The following PCSK2 variants were observed in gnomAD, a reference collection of about 807,000 sequenced individuals.
PCSK2 encodes the protein neuroendocrine convertase 2.
Under a neutral mutation model 69.7 loss-of-function variants are expected in PCSK2, and 14 were observed. The ratio of observed to expected loss-of-function variants is 0.20; its 90% CI spans 0.13 to 0.31. The LOEUF is 0.31. PCSK2 is among the 10% of genes least tolerant of loss of function. PCSK2 has a pLI of 1.00. For synonymous variants in PCSK2, 307 were observed against 320.7 expected (o/e 0.96, Z 0.46); for missense variants, 544 against 842.5 (o/e 0.65, Z 4.39).
chr20:17,322,754 A>C (rs1260440796), intron 2 of PCSK2, among the ~76,000 whole-genome samples: 6 of 152,216 alleles, frequency 3.9e-5, no homozygotes, highest in Admixed American at 3.3e-4. Context: ...GAAGGACAAG[A>C]AAGGTGAACT....
At chr20:17,355,267 T>C (rs1416545354) in intron 2 of PCSK2, among the ~76,000 whole-genome samples, 4 of 152,202 alleles carry the variant, frequency 2.6e-5, no homozygotes, top group Admixed American at 2.6e-4. Context: ...GTATTTTTGT[T>C]CTTACGCTAC....
At chr20:17,244,078 G>T (rs6111468) in intron 1 of PCSK2, among the ~76,000 whole-genome samples, 48,700 of 151,954 alleles carry the variant, frequency 0.32, 8,531 homozygotes, top group Middle Eastern at 0.47. Flanking sequence ...ATACTGCCTT[G>T]TTCTTAGAAA....
chr20:17,347,715 G>C (rs1879105647), intron 2 of PCSK2, among the ~76,000 whole-genome samples: 1 of 151,616 alleles, frequency 6.6e-6, no homozygotes, highest in South Asian at 2.1e-4. Context: ...TGAGGAGACA[G>C]AGGATATGTG....
chr20:17,280,668 T>G (rs1988275920), intron 2 of PCSK2, among the ~76,000 whole-genome samples: 1 of 152,220 alleles, frequency 6.6e-6, no homozygotes. Flanking sequence ...CTAAGACAAA[T>G]AGAAGATTCT....
chr20:17,415,890 T>A (rs1221145147), intron 6 of PCSK2, among the ~76,000 whole-genome samples: 1 of 152,168 alleles, frequency 6.6e-6, no homozygotes, highest in Non-Finnish European at 1.5e-5. Context: ...AACTGCCTGA[T>A]CTTTGACAAA....
chr20:17,260,188 C>A, intron 1 of PCSK2, 52 bp from the exon 2 acceptor site: 2 of 1,220,218 alleles, frequency 1.6e-6, no homozygotes, highest in South Asian at 1.2e-5. Flanking sequence ...GTCCCTGTCC[C>A]TGGGCCAACC....
intron 6 of PCSK2, among the ~76,000 whole-genome samples, 155 bp from the exon 7 acceptor site, chr20:17,429,280 C>T (rs1206293174): frequency 1.3e-5 from 2 of 152,116 alleles, no homozygotes. Flanking sequence ...CTTCACAGAA[C>T]TTTAACACAA....
intron 2 of PCSK2, among the ~76,000 whole-genome samples, chr20:17,311,001 C>A (rs1287504842): frequency 3.0e-3 from 332 of 112,230 alleles, no homozygotes; most frequent in South Asian, 4.7e-3. Flanking sequence ...GACTCCGTCT[C>A]AAAAAAAAAA....
intron 2 of PCSK2, among the ~76,000 whole-genome samples, chr20:17,274,703 C>A (rs1457467275): frequency 6.6e-6 from 1 of 152,098 alleles, no homozygotes; most frequent in African/African-American, 2.4e-5. Flanking sequence ...ACAAACTACC[C>A]AGTCATGTCT....
rs146564196 is a variant in PCSK2 at position 17,341,555 on chromosome 20, T to A, written c.283-16772T>A. ...CTTGTTTTCAGGAACCCTGCAGAGA[T>A]GGACCGTCAAATGTGTTTATCTATT... On this transcript the variant is annotated intron_variant, in intron 2 of 11. Transcript: ENST00000262545. Among the ~76,000 whole-genome samples, 27 of 152,318 alleles carry A rather than the reference T, an allele frequency of 1.8e-4. 1 individual carries two copies. The East Asian group carries it at 2.5e-3, about 14-fold the overall frequency.
At chr20:17,383,603 A>G (rs1219577367) in intron 5 of PCSK2, among the ~76,000 whole-genome samples, 1 of 152,208 alleles carries the variant, frequency 6.6e-6, no homozygotes, top group Non-Finnish European at 1.5e-5. Context: ...AAATTAACCT[A>G]GGTTATTTTC....
chr20:17,247,404 T>C (rs886832422), intron 1 of PCSK2, among the ~76,000 whole-genome samples: 2 of 152,218 alleles, frequency 1.3e-5, no homozygotes, highest in Non-Finnish European at 2.9e-5. Flanking sequence ...GATTGTTTCG[T>C]CTGCCAGTTT....
chr20:17,273,422 T>G (rs1224516366), intron 2 of PCSK2, among the ~76,000 whole-genome samples: 1 of 152,170 alleles, frequency 6.6e-6, no homozygotes, highest in East Asian at 1.9e-4. Flanking sequence ...ACAATGAAAG[T>G]GCAAATGTCT....
At chr20:17,365,954 T>C (rs2030577146) in intron 4 of PCSK2, among the ~76,000 whole-genome samples, 1 of 152,138 alleles carries the variant, frequency 6.6e-6, no homozygotes. Flanking sequence ...TGCCTGCCAT[T>C]CTCCCACACT....
chr20:17,457,348 C>T (rs1333609777), intron 10 of PCSK2, among the ~76,000 whole-genome samples: 1 of 152,184 alleles, frequency 6.6e-6, no homozygotes, highest in Non-Finnish European at 1.5e-5. Flanking sequence ...GCTTGTCTCT[C>T]TCCACATAGG....
chr20:17,466,833 G>T (rs1310108108), intron 11 of PCSK2, among the ~76,000 whole-genome samples: 1 of 152,114 alleles, frequency 6.6e-6, no homozygotes, highest in Non-Finnish European at 1.5e-5. Context: ...CGCTCCACAG[G>T]CACCCTTTGT....
chr20:17,268,302 C>CA (rs1987713476), intron 2 of PCSK2, among the ~76,000 whole-genome samples: 1 of 151,696 alleles, frequency 6.6e-6, no homozygotes, highest in Non-Finnish European at 1.5e-5. Context: ...AGGAGAGAAA[C>CA]AAAAAACAGA....
intron 1 of PCSK2, among the ~76,000 whole-genome samples, chr20:17,254,580 T>C (rs1439875206): frequency 3.3e-5 from 5 of 152,218 alleles, no homozygotes; most frequent in Non-Finnish European, 7.4e-5. Context: ...CCTATGCCAG[T>C]ACCATACTAC....
At chr20:17,399,141 A>G (rs2031581015) in intron 5 of PCSK2, among the ~76,000 whole-genome samples, 1 of 152,268 alleles carries the variant, frequency 6.6e-6, no homozygotes, top group Non-Finnish European at 1.5e-5. Context: ...TCCTATTATC[A>G]AAATGACAAG....
Sources: allele counts gnomAD v4.1 joint callset (sites outside exome capture counted in the v4.1 genomes callset), GRCh38; gene constraint gnomAD v4.1.1; transcripts MANE v1.5; gene names NCBI Gene and HGNC (gene_info 2026-07-23, HGNC 2026-07-21).